Variants in THSD4 observed in about 807,000 individuals in gnomAD.
THSD4 encodes the protein thrombospondin type-1 domain-containing protein 4.
Under a neutral mutation model 119.0 loss-of-function variants are expected in THSD4, and 69 were observed. The ratio of observed to expected loss-of-function variants is 0.58; its 90% CI spans 0.48 to 0.71. THSD4 has a LOEUF of 0.71. Among genes scored for constraint, THSD4 ranks in the 30% least tolerant of loss-of-function variants. The probability of loss-of-function intolerance (pLI) is 0.00; values close to 1 mark genes in which losing one functional copy is unlikely to be tolerated. For synonymous variants in THSD4, 524 were observed against 540.4 expected, an observed-to-expected ratio of 0.97 and a Z score of 0.42; for missense variants, 1,393 against 1,391.1, an observed-to-expected ratio of 1.00 and a Z score of -0.02.
chr15:71,691,068 A>C (rs1026219711), intron 8 of THSD4, among the ~76,000 whole-genome samples: 12 of 152,210 alleles, frequency 7.9e-5, no homozygotes, highest in African/African-American at 2.7e-4. Context: ...CAGGACGAAG[A>C]GTTGAGTCAG....
chr15:71,666,481 T>G (rs2051419391), intron 8 of THSD4, among the ~76,000 whole-genome samples: 1 of 152,144 alleles, frequency 6.6e-6, no homozygotes, highest in Admixed American at 6.5e-5. Flanking sequence ...CACCCTAGGC[T>G]TCTCAGTTAA....
intron 3 of THSD4, 47 bp downstream of exon 3, chr15:71,154,979 G>T: frequency 6.3e-7 from 1 of 1,579,588 alleles, no homozygotes; most frequent in Non-Finnish European, 8.7e-7. Context: ...CAAGGGGCTA[G>T]GGCCACTGTG....
chr15:71,758,235 CTCAG>C (rs916448885), intron 15 of THSD4, among the ~76,000 whole-genome samples, 160 bp downstream of exon 15: 6 of 152,248 alleles, frequency 3.9e-5, no homozygotes, highest in Non-Finnish European at 5.9e-5. Flanking sequence ...TTTCTGGAGC[CTCAG>C]TCAGTCAACA....
At chr15:71,456,696 A>G (rs555814071) in intron 7 of THSD4, among the ~76,000 whole-genome samples, 4 of 152,266 alleles carry the variant, frequency 2.6e-5, no homozygotes, top group African/African-American at 9.6e-5. Context: ...CTAGAAATTG[A>G]AAGAGTGTTA....
intron 7 of THSD4, among the ~76,000 whole-genome samples, chr15:71,572,043 A>G (rs573458973): frequency 6.6e-6 from 1 of 152,282 alleles, no homozygotes; most frequent in South Asian, 2.1e-4. Flanking sequence ...AAAGTAGTTG[A>G]TGTTTATTGT....
intron 4 of THSD4, among the ~76,000 whole-genome samples, chr15:71,227,096 GGTAT>G (rs2044023436): frequency 6.6e-6 from 1 of 152,060 alleles, no homozygotes; most frequent in Non-Finnish European, 1.5e-5. Flanking sequence ...TAGGCCTGAT[GGTAT>G]GTACATTTCT....
At chr15:71,775,146 C>CA (rs558621229) in intron 17 of THSD4, among the ~76,000 whole-genome samples, 4,964 of 142,096 alleles carry the variant, frequency 0.035, 108 homozygotes, top group South Asian at 0.072. Flanking sequence ...AACTCCATCT[C>CA]AAAAAAAAAA....
intron 7 of THSD4, among the ~76,000 whole-genome samples, chr15:71,653,056 C>G (rs2051122853): frequency 6.6e-6 from 1 of 152,138 alleles, no homozygotes. Flanking sequence ...GTTCGAAGAG[C>G]AGGTTGGTCC....
chr15:71,666,008 A>T (rs574865392), intron 8 of THSD4, among the ~76,000 whole-genome samples: 6 of 152,236 alleles, frequency 3.9e-5, no homozygotes, highest in African/African-American at 1.4e-4. Context: ...ATCCATATGC[A>T]TTTTAAAATA....
chr15:71,492,084 A>G (rs373985267), intron 7 of THSD4, among the ~76,000 whole-genome samples: 4 of 150,472 alleles, frequency 2.7e-5, no homozygotes, highest in African/African-American at 9.8e-5. Context: ...TTCTGTGGGC[A>G]TGTTAGCTGT....
At chr15:71,254,504 A>G (rs899664341) in intron 5 of THSD4, among the ~76,000 whole-genome samples, 9 of 152,196 alleles carry the variant, frequency 5.9e-5, no homozygotes, top group African/African-American at 1.7e-4. Flanking sequence ...GAGCACTTCA[A>G]GCATATATTC....
Position 71,777,450 on chromosome 15 carries a change from G to A in THSD4, c.*76G>A. ...TCAGCAGTGCGCCTGGCTGGCTGCT[G>A]CTCCACCACGGGCCCCCTGGCCCAG... is the stretch of plus-strand genomic sequence containing the variant. On this transcript the variant is annotated 3_prime_UTR_variant, in exon 18 of 18. Coordinates refer to ENST00000261862, the MANE Select transcript of THSD4 (RefSeq NM_024817.3). 1 of 1,528,724 alleles carries A rather than the reference G, an allele frequency of 6.5e-7. No individual in the cohort carries two copies. Among genetic ancestry groups the A allele is most frequent in the Non-Finnish European group, 8.8e-7 (1 of 1,139,678 alleles). 94.7% of individuals were successfully genotyped at this position (1,528,724 alleles called of 1,614,324 possible). A position where few individuals can be genotyped will look rare whatever the true frequency, so the allele number is the denominator to read the frequency against.
chr15:71,248,447 C>T (rs1475738513), intron 5 of THSD4, among the ~76,000 whole-genome samples: 1 of 152,144 alleles, frequency 6.6e-6, no homozygotes, highest in African/African-American at 2.4e-5. Context: ...CTGACCTCTT[C>T]TGGAGGAGGG....
intron 7 of THSD4, among the ~76,000 whole-genome samples, chr15:71,571,452 C>T (rs936121787): frequency 9.2e-5 from 14 of 152,126 alleles, no homozygotes; most frequent in African/African-American, 3.1e-4. Flanking sequence ...TAGCAAATCC[C>T]AAGAAATTCC....
Position 71,755,706 on chromosome 15 carries a change from CAAAAAAAA to C in THSD4, c.2416-2176_2416-2169del, listed in dbSNP as rs10555546. On this transcript the variant is annotated intron_variant, in intron 14 of 17. Transcript: ENST00000261862. The stretch of plus-strand genomic sequence containing the variant: ...CTCACCAAGCCTGCTTCAGCAAAGA[CAAAAAAAA>C]AAAAAAAAAAAAAAAAAAAGACAGG... Among the ~76,000 whole-genome samples the C allele has an allele frequency of 3.0e-4, 15 of 50,290 alleles. No individual in the cohort carries two copies. In the South Asian group the frequency reaches 4.5e-3, roughly 15 times the overall value. 33.0% of individuals were successfully genotyped at this position (50,290 alleles called of 152,430 possible).
intron 2 of THSD4, among the ~76,000 whole-genome samples, chr15:71,150,267 A>G (rs930553616): frequency 2.0e-5 from 3 of 152,200 alleles, no homozygotes; most frequent in African/African-American, 7.2e-5. Context: ...TTGGGTCAGG[A>G]GGAACAAGGA....
upstream of THSD4, chr15:71,112,238 G>A (rs1451018840): frequency 6.2e-7 from 1 of 1,608,944 alleles, no homozygotes; most frequent in Non-Finnish European, 8.5e-7. Context: ...GCTGATCAGT[G>A]AGGTGGGGTG....
intron 7 of THSD4, among the ~76,000 whole-genome samples, chr15:71,476,277 G>A (rs550521244): frequency 7.9e-4 from 120 of 152,142 alleles, no homozygotes; most frequent in Non-Finnish European, 1.3e-3. Context: ...TATCACCCAG[G>A]CTGAGGTGCA....
Position 71,480,933 on chromosome 15 carries a change from C to A in THSD4, c.1152+69110C>A, listed in dbSNP as rs548724538. The stretch of plus-strand genomic sequence containing the variant: ...ACACCCCATGCATGCAGTTTACATA[C>A]CTGATTGACTTTTTTTATAGATTCA... On this transcript the variant is annotated intron_variant, in intron 7 of 17. Coordinates refer to ENST00000261862, the MANE Select transcript of THSD4 (RefSeq NM_024817.3). Among the ~76,000 whole-genome samples the A allele has an allele frequency of 3.3e-5, 5 of 152,252 alleles. No individual in the cohort carries two copies. The South Asian group carries it at 1.0e-3, about 32-fold the overall frequency.
Sources: gnomAD v4.1 joint callset for allele counts (sites outside exome capture counted in the v4.1 genomes callset) on GRCh38, gnomAD v4.1.1 for gene constraint, MANE v1.5 for transcripts, NCBI Gene and HGNC (gene_info 2026-07-23, HGNC 2026-07-21) for gene names.